Variants in ABTB3 observed in about 807,000 individuals in gnomAD.
The protein encoded by ABTB3 is ankyrin repeat- and BTB/POZ domain-containing protein 3.
At chr12:107,549,083 A>T in the ABTB3 span, among the ~76,000 whole-genome samples, 1 of 152,210 alleles carries the variant, frequency 6.6e-6, no homozygotes, top group Non-Finnish European at 1.5e-5. Flanking sequence ...TTGCAAACGG[A>T]ATGTACAGAC....
the ABTB3 span, among the ~76,000 whole-genome samples, chr12:107,489,184 C>A: frequency 6.6e-6 from 1 of 152,264 alleles, no homozygotes; most frequent in Non-Finnish European, 1.5e-5. Context: ...TGGACACAAC[C>A]TTTAGAAAAC....
chr12:107,551,369 T>C, the ABTB3 span, among the ~76,000 whole-genome samples: 4 of 152,248 alleles, frequency 2.6e-5, no homozygotes, highest in Non-Finnish European at 1.5e-5. Context: ...TTCTAAATTA[T>C]TGACCCAAAA....
the ABTB3 span, among the ~76,000 whole-genome samples, chr12:107,596,368 C>G: frequency 6.6e-6 from 1 of 152,174 alleles, no homozygotes; most frequent in South Asian, 2.1e-4. Context: ...AATCCCAGCA[C>G]TTTGGAGGTC....
chr12:107,447,879 C>T, the ABTB3 span, among the ~76,000 whole-genome samples: 4 of 152,172 alleles, frequency 2.6e-5, no homozygotes, highest in Admixed American at 2.6e-4. Flanking sequence ...AACCTCTGAG[C>T]TCCCTCCGGG....
At chr12:107,495,428 G>A in the ABTB3 span, among the ~76,000 whole-genome samples, 2 of 152,210 alleles carry the variant, frequency 1.3e-5, no homozygotes, top group Non-Finnish European at 2.9e-5. Context: ...GTCCCAGCTG[G>A]AGGGAGGCCT....
At chr12:107,493,210 CA>C in the ABTB3 span, among the ~76,000 whole-genome samples, 1 of 152,142 alleles carries the variant, frequency 6.6e-6, no homozygotes, top group East Asian at 1.9e-4. Flanking sequence ...TGCAGGGAAG[CA>C]TGGGCAAGAA....
At chr12:107,482,965 TTTCTTTCTTTCTTTCTTTCTTTCC>T in the ABTB3 span, among the ~76,000 whole-genome samples, 4,814 of 79,884 alleles carry the variant, frequency 0.06, 212 homozygotes, top group South Asian at 0.079. Context: ...TCTTTCTTTC[TTTCTTTCTTTCTTTCTTTCTTTCC>T]TTCCTTCCTT....
At chr12:107,651,521 C>T in the ABTB3 span, among the ~76,000 whole-genome samples, 1 of 152,128 alleles carries the variant, frequency 6.6e-6, no homozygotes, top group East Asian at 1.9e-4. Flanking sequence ...TCCTTTTCCT[C>T]TAGTGTTACC....
the ABTB3 span, among the ~76,000 whole-genome samples, chr12:107,463,303 GTGA>G: frequency 6.6e-6 from 1 of 151,838 alleles, no homozygotes. Context: ...GGTGGTGGTG[GTGA>G]TGATGGTGGT....
the ABTB3 span, among the ~76,000 whole-genome samples, chr12:107,379,810 T>C: frequency 1.3e-5 from 2 of 152,204 alleles, no homozygotes; most frequent in African/African-American, 4.8e-5. Flanking sequence ...CAAGGGTCAG[T>C]TGGACAAGCT....
chr12:107,578,383 CT>C, the ABTB3 span, among the ~76,000 whole-genome samples: 196 of 57,156 alleles, frequency 3.4e-3, no homozygotes, highest in South Asian at 0.01. Flanking sequence ...CTTTCTTCTT[CT>C]TTTTTTTTTT....
chr12:107,427,609 C>T, the ABTB3 span, among the ~76,000 whole-genome samples: 1 of 152,284 alleles, frequency 6.6e-6, no homozygotes. Flanking sequence ...ACAGGATAAT[C>T]TTCCCATCTC....
chr12:107,562,469 T>TG, the ABTB3 span, among the ~76,000 whole-genome samples: 1 of 152,212 alleles, frequency 6.6e-6, no homozygotes, highest in African/African-American at 2.4e-5. Flanking sequence ...GCAAAGGCTC[T>TG]GGGGCAGAAA....
the ABTB3 span, among the ~76,000 whole-genome samples, chr12:107,435,197 C>G: frequency 6.6e-6 from 1 of 152,342 alleles, no homozygotes; most frequent in East Asian, 1.9e-4. Flanking sequence ...TCTGTGGGCA[C>G]ATGTGTTTAT....
the ABTB3 span, among the ~76,000 whole-genome samples, chr12:107,455,591 C>A: frequency 2.4e-4 from 36 of 152,244 alleles, no homozygotes; most frequent in African/African-American, 8.7e-4. Context: ...GCAAACCACC[C>A]CAAAACTCAA....
chr12:107,435,461 T>G, the ABTB3 span, among the ~76,000 whole-genome samples: 1 of 152,270 alleles, frequency 6.6e-6, no homozygotes, highest in East Asian at 1.9e-4. Flanking sequence ...TATTCATTCA[T>G]CTACTTGTTG....
the ABTB3 span, among the ~76,000 whole-genome samples, chr12:107,610,583 TG>T: frequency 6.6e-6 from 1 of 152,096 alleles, no homozygotes; most frequent in Admixed American, 6.5e-5. Context: ...GCAGCTGAAA[TG>T]GAAAAGAGAG....
At chr12:107,562,951 A>C in the ABTB3 span, among the ~76,000 whole-genome samples, 1 of 152,334 alleles carries the variant, frequency 6.6e-6, no homozygotes, top group South Asian at 2.1e-4. Context: ...ACCAGGGAAC[A>C]TCTGAATGCA....
the ABTB3 span, among the ~76,000 whole-genome samples, chr12:107,562,803 T>C: frequency 2.1e-4 from 32 of 152,176 alleles, no homozygotes; most frequent in Admixed American, 2.1e-3. Flanking sequence ...CATTTAGCAG[T>C]TTGGAAACCT....
Sources: allele counts gnomAD v4.1 joint callset (sites outside exome capture counted in the v4.1 genomes callset), GRCh38; gene constraint gnomAD v4.1.1; transcripts MANE v1.5; gene names NCBI Gene and HGNC (gene_info 2026-07-23, HGNC 2026-07-21).